PGBD5: variants seen among roughly 807,000 people sequenced by gnomAD.
PGBD5 encodes the protein piggyBac transposable element derived 5, also known as piggyBac transposable element-derived protein 5.
Under a neutral mutation model 47.9 loss-of-function variants are expected in PGBD5, and 14 were observed. The observed-to-expected ratio is 0.29, with a 90% confidence interval of 0.19 to 0.46. PGBD5 has a LOEUF of 0.46. Ranked by LOEUF, PGBD5 falls within the 20% of genes least tolerant of loss-of-function variation. PGBD5 has a pLI of 1.00. For missense variants in PGBD5, 635 were observed against 716.0 expected (o/e 0.89, Z 1.29); for synonymous variants, 316 against 306.3 (o/e 1.03, Z -0.33).
chr1:230,398,213 CA>C (rs1657048190), intron 1 of PGBD5, among the ~76,000 whole-genome samples: 1 of 152,160 alleles, frequency 6.6e-6, no homozygotes, highest in African/African-American at 2.4e-5. Flanking sequence ...ATTTGCTAAG[CA>C]ACCATAACAA....
chr1:230,332,057 T>TA, intron 5 of PGBD5, among the ~76,000 whole-genome samples: 1 of 766 alleles, frequency 1.3e-3, no homozygotes, highest in African/African-American at 2.9e-3. Flanking sequence ...ACACACAACA[T>TA]GCCAGGCAAG....
In PGBD5 at chr1:230,323,611, A is replaced by G; in HGVS notation, c.1389T>C (p.Ile463=). 6.2e-7 allele frequency: 1 copy of G among 1,613,666 alleles called. No individual in the cohort carries two copies. Among genetic ancestry groups the G allele is most frequent in the South Asian group, 1.1e-5 (1 of 90,988 alleles). Residue 463 remains isoleucine, a synonymous_variant, in exon 7 of 7, where the codon ATT becomes ATC. Transcript: ENST00000391860. This position sits in a 1 kb window ranked among gnomAD's most constrained non-coding sequence, Gnocchi z 4.1. ...GCCAGGTCTTGTTTGGTTTATGAGA[A>G]ATGAAATACCTGAGGACAGAGGGAA... ...RYDDKYSKYF[I]SHKPNKTWQQ... is the part of the protein sequence containing the mutation.
intron 1 of PGBD5, among the ~76,000 whole-genome samples, chr1:230,359,484 AAG>A (rs1482528149): frequency 1.3e-5 from 2 of 152,220 alleles, no homozygotes; most frequent in Non-Finnish European, 2.9e-5. Context: ...CAGAAAAATT[AAG>A]AGAGATAATG....
At chr1:230,405,754 A>G (rs890560262) in intron 1 of PGBD5, among the ~76,000 whole-genome samples, 9 of 152,200 alleles carry the variant, frequency 5.9e-5, no homozygotes, top group Admixed American at 3.3e-4. Flanking sequence ...ACTGATGACC[A>G]ATGAGCCAAA....
chr1:230,356,923 C>A lies in PGBD5; in HGVS notation c.730G>T (p.Asp244Tyr). ...PFLDSLQNSF[D>Y]SAFRPSQTQV... is the part of the protein sequence containing the mutation. The stretch of plus-strand genomic sequence containing the variant: ...GTTTGGGAAGGCCTGAAGGCAGAGT[C>A]GAAGCTGTTCTGCAGGGAGTCGAGG... Residue 244 changes from aspartate to tyrosine, a missense_variant, in exon 2 of 7, where the codon GAC (aspartate) becomes TAC (tyrosine). Coordinates refer to ENST00000391860, the MANE Select transcript of PGBD5 (RefSeq NM_001258311.2). The A allele has an allele frequency of 6.2e-7, 1 of 1,613,948 alleles. No homozygotes were observed. The highest frequency in any genetic ancestry group is 1.1e-5 in the South Asian group (1 of 91,064).
intron 5 of PGBD5, among the ~76,000 whole-genome samples, chr1:230,331,195 T>C (rs1667208475): frequency 6.6e-6 from 1 of 152,082 alleles, no homozygotes; most frequent in South Asian, 2.1e-4. Context: ...AGAGGATCAC[T>C]TGAGGCCAGG....
Position 230,351,610 on chromosome 1 carries a change from A to G in PGBD5, c.760-518T>C, listed in dbSNP as rs546960368. 4.6e-5 allele frequency among the ~76,000 whole-genome samples: 7 copies of G among 152,314 alleles called. No individual in the cohort carries two copies. In the East Asian group the frequency reaches 7.7e-4, roughly 17 times the overall value. ...TCTGTCCAGTGAGAAACAAAGAAAAAAAATGCTATTTTTTTTGGATTTTCA... is the reference window on the plus strand; with the variant it reads ...TCTGTCCAGTGAGAAACAAAGAAAAGAAATGCTATTTTTTTTGGATTTTCA... On this transcript the variant is annotated intron_variant, in intron 2 of 6. Transcript: ENST00000391860.
At chr1:230,336,842 T>G (rs201518252) in intron 4 of PGBD5, among the ~76,000 whole-genome samples, 12 of 96,776 alleles carry the variant, frequency 1.2e-4, no homozygotes, top group Non-Finnish European at 2.1e-4. Flanking sequence ...GACACACAAA[T>G]GCCCCGAAGG....
At chr1:230,418,241 G>C (rs74146023) in intron 1 of PGBD5, among the ~76,000 whole-genome samples, 136 of 152,300 alleles carry the variant, frequency 8.9e-4, no homozygotes, top group African/African-American at 3.2e-3. Flanking sequence ...ACATGTACAA[G>C]AACGTTTGTA....
intron 1 of PGBD5, among the ~76,000 whole-genome samples, chr1:230,416,970 G>A (rs1319341309): frequency 6.6e-6 from 1 of 152,196 alleles, no homozygotes; most frequent in Non-Finnish European, 1.5e-5. Flanking sequence ...CTTGGCTACG[G>A]TTGGCAGCAA....
intron 1 of PGBD5, among the ~76,000 whole-genome samples, chr1:230,408,720 A>T (rs1024647633): frequency 2.0e-5 from 3 of 152,224 alleles, no homozygotes; most frequent in African/African-American, 7.2e-5. Flanking sequence ...AAAATAGACC[A>T]AAGATGTAAA....
rs995428433 is a variant in PGBD5 at position 230,323,714 on chromosome 1, G to A, written c.1380-94C>T. The A allele has an allele frequency of 2.2e-5, 29 of 1,295,476 alleles. No homozygotes were observed. The African/African-American group carries it at 2.9e-4, about 13-fold the overall frequency. The allele number at this position is 1,295,476 out of a possible 1,614,324, so 80.2% of individuals were successfully genotyped here. A position where few individuals can be genotyped will look rare whatever the true frequency, so the allele number is the denominator to read the frequency against. Reference sequence around the variant, plus strand: ...CCCCCCTCACCACAGCCCGTGAGACGCTGCAGGTTCGCCCCCGACAGAAGC... The same window carrying A: ...CCCCCCTCACCACAGCCCGTGAGACACTGCAGGTTCGCCCCCGACAGAAGC... On this transcript the variant is annotated intron_variant, in intron 6 of 6. Transcript: ENST00000391860. This position sits in a 1 kb window ranked among gnomAD's most constrained non-coding sequence, Gnocchi z 4.1.
intron 1 of PGBD5, among the ~76,000 whole-genome samples, chr1:230,422,446 G>A (rs550505705): frequency 6.6e-6 from 1 of 152,110 alleles, no homozygotes; most frequent in African/African-American, 2.4e-5. Flanking sequence ...CTATTTTGGG[G>A]GGATATATGC....
intron 3 of PGBD5, among the ~76,000 whole-genome samples, chr1:230,339,437 A>G (rs1667377557): frequency 6.6e-6 from 1 of 152,230 alleles, no homozygotes; most frequent in African/African-American, 2.4e-5. Flanking sequence ...CTGTTACGGC[A>G]AACAGTATGG....
At chr1:230,383,896 G>A (rs558908853) in intron 1 of PGBD5, among the ~76,000 whole-genome samples, 12 of 152,344 alleles carry the variant, frequency 7.9e-5, no homozygotes, top group African/African-American at 2.9e-4. Context: ...GTGAGTAGAG[G>A]AGGAGATGAA....
chr1:230,342,756 T>C (rs1436252449), intron 3 of PGBD5, among the ~76,000 whole-genome samples: 1 of 152,240 alleles, frequency 6.6e-6, no homozygotes, highest in East Asian at 1.9e-4. Context: ...AAGGCCCTTG[T>C]CTTTAAGTGA....
At chr1:230,406,728 G>A (rs1300584818) in intron 1 of PGBD5, among the ~76,000 whole-genome samples, 3 of 152,134 alleles carry the variant, frequency 2.0e-5, no homozygotes, top group African/African-American at 4.8e-5. Flanking sequence ...ACTATTTCAA[G>A]AAACATTCCT....
intron 3 of PGBD5, among the ~76,000 whole-genome samples, chr1:230,346,791 C>T (rs1039662731): frequency 1.3e-5 from 2 of 152,148 alleles, no homozygotes; most frequent in African/African-American, 2.4e-5. Flanking sequence ...GACACACCTC[C>T]GGTATTGCAC....
intron 1 of PGBD5, among the ~76,000 whole-genome samples, chr1:230,385,563 A>G (rs1656616856): frequency 6.6e-6 from 1 of 152,220 alleles, no homozygotes; most frequent in African/African-American, 2.4e-5. Context: ...AACTCCTTTT[A>G]GAGCACACAA....
Sources: allele counts gnomAD v4.1 joint callset (sites outside exome capture counted in the v4.1 genomes callset), GRCh38; gene constraint gnomAD v4.1.1; non-coding constraint Gnocchi (gnomAD v3.1); transcripts MANE v1.5; gene names NCBI Gene and HGNC (gene_info 2026-07-23, HGNC 2026-07-21).